Variants in PRELID3A observed in about 807,000 individuals in gnomAD.
The protein encoded by PRELID3A is PRELI domain containing protein 3A.
In PRELID3A, 27 loss-of-function variants were observed where a neutral mutation model predicts 23.0. That is an observed-to-expected ratio of 1.17 (90% CI 0.87 to 1.62). PRELID3A has a LOEUF of 1.62. Ranked by LOEUF, PRELID3A falls within the 40% of genes most tolerant of loss-of-function variation. The pLI is 0.00. For synonymous variants in PRELID3A, 87 were observed against 86.4 expected (o/e 1.01, Z -0.04); for missense variants, 231 against 231.4 (o/e 1.00, Z 0.01).
rs759950571 is a variant in PRELID3A at position 12,429,407 on chromosome 18, GGCCTGT to G, written c.*13_*18del. On this transcript the variant is annotated 3_prime_UTR_variant, in exon 6 of 7. Coordinates refer to ENST00000440960, the MANE Select transcript of PRELID3A (RefSeq NM_001142405.2). ...CTCTGAAAGCGCTGTGAGCTAAGGA[GGCCTGT>G]GCCTGTGCTTGTCATAAATGGTGGT... 6.2e-7 allele frequency: 1 copy of G among 1,613,438 alleles called. No individual in the cohort carries two copies. The highest frequency in any genetic ancestry group is 1.1e-5 in the South Asian group (1 of 91,060).
chr18:12,426,563 A>AAAAAAAAAAAG lies in PRELID3A; in HGVS notation c.292-475_292-474insAAAAAAAGAAA, dbSNP rs67993774. On this transcript the variant is annotated intron_variant, in intron 3 of 6. Coordinates refer to ENST00000440960, the MANE Select transcript of PRELID3A (RefSeq NM_001142405.2). ...AGTGAGACTCCATCTCAAAAAAAAA[A>AAAAAAAAAAAG]AAAGTATAAATATGTACATAAGGAG... 9.1e-5 allele frequency among the ~76,000 whole-genome samples: 8 copies of AAAAAAAAAAAG among 87,710 alleles called. 1 individual carries two copies. Among genetic ancestry groups the AAAAAAAAAAAG allele is most frequent in the African/African-American group, 1.7e-4 (4 of 23,392 alleles). 57.5% of individuals were successfully genotyped at this position (87,710 alleles called of 152,430 possible). A position where few individuals can be genotyped will look rare whatever the true frequency, so the allele number is the denominator to read the frequency against.
chr18:12,429,286 C>G (rs934780252), intron 5 of PRELID3A, 64 bp from the exon 6 acceptor site: 3 of 1,422,272 alleles, frequency 2.1e-6, no homozygotes, highest in South Asian at 1.2e-5. Flanking sequence ...GTGGACTTGT[C>G]GCTTGCTGTC....
chr18:12,409,683 G>A (rs1438409610), intron 1 of PRELID3A, among the ~76,000 whole-genome samples: 1 of 152,134 alleles, frequency 6.6e-6, no homozygotes, highest in African/African-American at 2.4e-5. Flanking sequence ...GGAGTGCCAG[G>A]TGGTTGGGGC....
At chr18:12,428,140 C>T (rs541587447) in intron 5 of PRELID3A, among the ~76,000 whole-genome samples, 1 of 152,250 alleles carries the variant, frequency 6.6e-6, no homozygotes, top group Admixed American at 6.5e-5. Context: ...CAGGATTTGG[C>T]AGTAAGCTTT....
intron 1 of PRELID3A, 128 bp from the exon 2 acceptor site, chr18:12,420,197 C>T (rs2030110819): frequency 4.9e-6 from 7 of 1,442,274 alleles, no homozygotes; most frequent in South Asian, 1.5e-5. Context: ...TCAGATTTGT[C>T]GGACCAGCCT....
intron 1 of PRELID3A, 35 bp from the exon 2 acceptor site, chr18:12,420,290 G>T: frequency 6.4e-7 from 1 of 1,561,696 alleles, no homozygotes; most frequent in Non-Finnish European, 8.7e-7. Flanking sequence ...CCCGGCCCCG[G>T]CGCTTGCTCA....
intron 6 of PRELID3A, among the ~76,000 whole-genome samples, chr18:12,430,366 GTGGT>G (rs200833085): frequency 8.1e-6 from 1 of 124,174 alleles, no homozygotes; most frequent in Admixed American, 8.4e-5. Flanking sequence ...ATATGTGTGT[GTGGT>G]GTGTGTGTGT....
chr18:12,424,220 T>C (rs1430386113), intron 3 of PRELID3A, among the ~76,000 whole-genome samples: 3 of 152,204 alleles, frequency 2.0e-5, no homozygotes, highest in African/African-American at 7.2e-5. Context: ...AATTCCACCT[T>C]ATCCTTCCAG....
At chr18:12,415,166 G>A (rs1163477233) in intron 1 of PRELID3A, among the ~76,000 whole-genome samples, 1 of 151,956 alleles carries the variant, frequency 6.6e-6, no homozygotes, top group African/African-American at 2.4e-5. Flanking sequence ...CTGGTCTCAA[G>A]TGAACTTCCT....
At chr18:12,410,150 C>T (rs1011728617) in intron 1 of PRELID3A, among the ~76,000 whole-genome samples, 1 of 152,202 alleles carries the variant, frequency 6.6e-6, no homozygotes, top group African/African-American at 2.4e-5. Context: ...TGAGGCTCAC[C>T]ATGTGGTAGA....
At chr18:12,424,517 TTAGA>T (rs535250671) in intron 3 of PRELID3A, among the ~76,000 whole-genome samples, 83 of 152,286 alleles carry the variant, frequency 5.5e-4, no homozygotes, top group African/African-American at 1.9e-3. Context: ...ATTGATGCTG[TTAGA>T]TAGTTCTGTT....
chr18:12,412,841 A>T (rs1372595836), intron 1 of PRELID3A, among the ~76,000 whole-genome samples: 1 of 152,250 alleles, frequency 6.6e-6, no homozygotes, highest in Non-Finnish European at 1.5e-5. Context: ...CATTAAATTT[A>T]ACAATAATAA....
intron 6 of PRELID3A, among the ~76,000 whole-genome samples, chr18:12,430,194 G>C (rs2030521648): frequency 6.6e-6 from 1 of 152,208 alleles, no homozygotes; most frequent in Non-Finnish European, 1.5e-5. Flanking sequence ...GTGGCCATGG[G>C]CCTCGCCTCC....
At chr18:12,416,321 G>T (rs1334403215) in intron 1 of PRELID3A, among the ~76,000 whole-genome samples, 2 of 151,718 alleles carry the variant, frequency 1.3e-5, no homozygotes, top group African/African-American at 4.9e-5. Flanking sequence ...GTTGTTGTTT[G>T]TTTTTTTAGA....
chr18:12,409,808 T>A (rs1909852212), intron 1 of PRELID3A, among the ~76,000 whole-genome samples: 1 of 152,220 alleles, frequency 6.6e-6, no homozygotes, highest in African/African-American at 2.4e-5. Context: ...TTGAAAATTG[T>A]TGCAGCTGCT....
In PRELID3A at chr18:12,427,046, A is replaced by T. The variant is rs2030401467; in HGVS notation, c.297A>T (p.Thr99=). 6.2e-7 allele frequency: 1 copy of T among 1,611,156 alleles called. No individual in the cohort carries two copies. Among genetic ancestry groups the T allele is most frequent in the Non-Finnish European group, 8.5e-7 (1 of 1,177,320 alleles). Residue 99 remains threonine, a synonymous_variant, in exon 4 of 7, where the codon ACA becomes ACT. Coordinates refer to ENST00000440960, the MANE Select transcript of PRELID3A (RefSeq NM_001142405.2). ...ACCTTTTTTTTCTTTTTAAGATCACACTCACAAATTTGGTGTCAGTTAATG... is the reference window on the plus strand; with the variant it reads ...ACCTTTTTTTTCTTTTTAAGATCACTCTCACAAATTTGGTGTCAGTTAATG... ...KKMELCSTNI[T]LTNLVSVNER...
chr18:12,418,340 G>A (rs1211402514), intron 1 of PRELID3A, among the ~76,000 whole-genome samples: 1 of 152,174 alleles, frequency 6.6e-6, no homozygotes, highest in Non-Finnish European at 1.5e-5. Context: ...ATGACCTAGT[G>A]TACAGCTGTT....
chr18:12,426,918 T>C, intron 3 of PRELID3A, 123 bp from the exon 4 acceptor site: 1 of 676,718 alleles, frequency 1.5e-6, no homozygotes, highest in East Asian at 2.7e-5. Context: ...GTATCTCCTA[T>C]GCCTAAAAGT....
chr18:12,419,553 C>T (rs1000498458), intron 1 of PRELID3A, among the ~76,000 whole-genome samples: 1 of 151,918 alleles, frequency 6.6e-6, no homozygotes, highest in African/African-American at 2.4e-5. Context: ...CACTTGAACC[C>T]GGGAGGCGGA....
Sources: allele counts gnomAD v4.1 joint callset (sites outside exome capture counted in the v4.1 genomes callset), GRCh38; gene constraint gnomAD v4.1.1; transcripts MANE v1.5; gene names NCBI Gene and HGNC (gene_info 2026-07-23, HGNC 2026-07-21).